VPS53: variants seen among roughly 807,000 people sequenced by gnomAD.
The protein encoded by VPS53 is vacuolar protein sorting-associated protein 53 homolog.
A neutral mutation model predicts 107.0 loss-of-function variants in VPS53; 70 were observed. That is an observed-to-expected ratio of 0.65 (90% CI 0.54 to 0.80). The LOEUF (loss-of-function observed/expected upper bound fraction) is 0.80, where lower values mean the gene tolerates loss of function less well. Ranked by LOEUF, VPS53 falls within the 30% of genes least tolerant of loss-of-function variation. The pLI, the probability that VPS53 is intolerant of heterozygous loss-of-function variation, is 0.00. For synonymous variants in VPS53, 409 were observed against 393.3 expected (o/e 1.04, Z -0.47); for missense variants, 917 against 1,049.4 (o/e 0.87, Z 1.74).
At chr17:603,894 A>C (rs1484820627) in intron 11 of VPS53, among the ~76,000 whole-genome samples, 1 of 152,226 alleles carries the variant, frequency 6.6e-6, no homozygotes, top group Non-Finnish European at 1.5e-5. Flanking sequence ...AAATTAAATT[A>C]GGTAATAGCA....
intron 7 of VPS53, among the ~76,000 whole-genome samples, chr17:639,433 C>T (rs142253732): frequency 6.6e-5 from 10 of 151,894 alleles, no homozygotes; most frequent in South Asian, 2.1e-4. Flanking sequence ...AGTCATTCTC[C>T]GTCCAGCTTT....
At chr17:683,675 T>C (rs552171865) in intron 4 of VPS53, among the ~76,000 whole-genome samples, 25 of 152,174 alleles carry the variant, frequency 1.6e-4, no homozygotes, top group Non-Finnish European at 2.5e-4. Context: ...ACACCTTACA[T>C]ATACACAATA....
intron 2 of VPS53, chr17:705,703 C>G (rs912899008): frequency 6.6e-6 from 1 of 152,072 alleles, no homozygotes; most frequent in Non-Finnish European, 1.5e-5. Context: ...TGGCACCACC[C>G]CACCCCAACC....
chr17:553,572 C>A, intron 15 of VPS53, 110 bp from the exon 16 acceptor site: 77 of 689,704 alleles, frequency 1.1e-4, no homozygotes, highest in Non-Finnish European at 1.6e-4. Flanking sequence ...TAATTCCATA[C>A]ACTTTTTTTT....
At chr17:617,044 T>C (rs1184064598) in intron 11 of VPS53, among the ~76,000 whole-genome samples, 2 of 152,154 alleles carry the variant, frequency 1.3e-5, no homozygotes, top group African/African-American at 4.8e-5. Flanking sequence ...TTGGCAAGAA[T>C]GTCATTCAAG....
intron 11 of VPS53, among the ~76,000 whole-genome samples, chr17:602,406 CAACGCAAGAACAA>C (rs1968370391): frequency 1.3e-5 from 2 of 152,188 alleles, no homozygotes; most frequent in African/African-American, 4.8e-5. Context: ...AGATGGATTT[CAACGCAAGAACAA>C]ACTACAAAAC....
rs1307070020 is a variant in VPS53 at position 611,236 on chromosome 17, A to C, written c.1117-9340T>G. On this transcript the variant is annotated intron_variant, in intron 11 of 21. Transcript: ENST00000437048. The stretch of plus-strand genomic sequence containing the variant: ...ACCATGTTGGCCAGGCTGGTCTTGA[A>C]CTCCTGACCTGAGGTGATGCTCCCA... 2.0e-5 allele frequency among the ~76,000 whole-genome samples: 3 copies of C among 151,980 alleles called. No homozygotes were observed. In the East Asian group the frequency reaches 5.8e-4, roughly 29 times the overall value.
intron 4 of VPS53, among the ~76,000 whole-genome samples, chr17:662,988 T>C (rs1971536246): frequency 1.3e-5 from 2 of 151,798 alleles, no homozygotes; most frequent in African/African-American, 4.8e-5. Flanking sequence ...GGAGGATTGC[T>C]TGAGCCCAGG....
chr17:555,183 C>T (rs527556115), intron 15 of VPS53, among the ~76,000 whole-genome samples: 5 of 152,348 alleles, frequency 3.3e-5, no homozygotes, highest in East Asian at 3.9e-4. Flanking sequence ...TTTCTGGCCC[C>T]GTCTTGCCAC....
intron 19 of VPS53, among the ~76,000 whole-genome samples, chr17:522,497 G>A (rs2151795031): frequency 6.6e-6 from 1 of 152,326 alleles, no homozygotes; most frequent in East Asian, 1.9e-4. Flanking sequence ...TGTGATGTGT[G>A]TGGTTGTGTA....
In VPS53 at chr17:590,692, G is replaced by A. The variant is rs375947172; in HGVS notation, c.1219-4328C>T. ...TGCTGGATTACATTTATTGATTTGCGTATATTGAACCAGCCTTGCATCCCA... is the reference window on the plus strand; with the variant it reads ...TGCTGGATTACATTTATTGATTTGCATATATTGAACCAGCCTTGCATCCCA... On this transcript the variant is annotated intron_variant, in intron 12 of 21. Transcript: ENST00000437048. Among the ~76,000 whole-genome samples, 60 of 150,272 alleles carry A rather than the reference G, an allele frequency of 4.0e-4. 1 individual carries two copies. The highest frequency in any genetic ancestry group is 2.3e-3 in the East Asian group (12 of 5,118).
intron 12 of VPS53, among the ~76,000 whole-genome samples, chr17:601,499 C>G (rs1968322256): frequency 6.6e-6 from 1 of 152,198 alleles, no homozygotes; most frequent in Non-Finnish European, 1.5e-5. Flanking sequence ...AGCTGACAAG[C>G]TCAGGAGATG....
At chr17:566,785 C>T (rs990637649) in intron 13 of VPS53, among the ~76,000 whole-genome samples, 2 of 151,626 alleles carry the variant, frequency 1.3e-5, no homozygotes, top group Non-Finnish European at 2.9e-5. Flanking sequence ...ACTCAGTTGT[C>T]CAGGCTGGAG....
At chr17:670,266 G>A (rs552158159) in intron 4 of VPS53, among the ~76,000 whole-genome samples, 20 of 152,200 alleles carry the variant, frequency 1.3e-4, no homozygotes, top group African/African-American at 3.9e-4. Flanking sequence ...TGTATCTGAC[G>A]GTGTTATAAA....
intron 13 of VPS53, among the ~76,000 whole-genome samples, chr17:574,423 C>G (rs773329950): frequency 2.0e-5 from 3 of 152,080 alleles, no homozygotes; most frequent in Non-Finnish European, 4.4e-5. Context: ...CCCTTTAAAC[C>G]AGGTAGGTTT....
chr17:694,768 G>A (rs964190139), intron 4 of VPS53, among the ~76,000 whole-genome samples: 4 of 152,210 alleles, frequency 2.6e-5, no homozygotes, highest in Non-Finnish European at 5.9e-5. Flanking sequence ...TGTTGTGGGG[G>A]TTTTGCTGTT....
At position 639,123 on chromosome 17, in the gene VPS53, C is replaced by T. The variant is rs547560440; in HGVS notation, c.609-7495G>A. On this transcript the variant is annotated intron_variant, in intron 7 of 21. Transcript: ENST00000437048. ...TGGAGGCTTTGTTCATTTCTTTTTA[C>T]TCTTTATTCTCTAAACTTCTCTTCT... is the stretch of plus-strand genomic sequence containing the variant. Among the ~76,000 whole-genome samples the T allele has an allele frequency of 4.3e-4, 65 of 152,248 alleles. 1 individual carries two copies. The South Asian group carries it at 5.0e-3, about 12-fold the overall frequency.
At chr17:538,998 T>G (rs1448877259) in intron 17 of VPS53, 1 of 152,218 alleles carries the variant, frequency 6.6e-6, no homozygotes, top group East Asian at 1.9e-4. Flanking sequence ...AGGCCAAAAT[T>G]GACAGGTGCT....
At chr17:617,787 G>A (rs1233218109) in intron 11 of VPS53, among the ~76,000 whole-genome samples, 1 of 143,218 alleles carries the variant, frequency 7.0e-6, no homozygotes, top group African/African-American at 2.6e-5. Flanking sequence ...GGGTAGCTGG[G>A]ACTACAGGCG....
Sources: gnomAD v4.1 joint callset for allele counts (sites outside exome capture counted in the v4.1 genomes callset) on GRCh38, gnomAD v4.1.1 for gene constraint, MANE v1.5 for transcripts, NCBI Gene and HGNC (gene_info 2026-07-23, HGNC 2026-07-21) for gene names.